TMEM39B: variants seen among roughly 807,000 people sequenced by gnomAD.
TMEM39B encodes transmembrane protein 39B.
Under a neutral mutation model 52.2 loss-of-function variants are expected in TMEM39B, and 23 were observed. That is an observed-to-expected ratio of 0.44 (90% CI 0.32 to 0.62). TMEM39B has a LOEUF of 0.62. TMEM39B is among the 20% of genes least tolerant of loss of function. The pLI is 0.06. For missense variants in TMEM39B, 547 were observed against 642.0 expected (o/e 0.85, Z 1.60); for synonymous variants, 285 against 264.0 (o/e 1.08, Z -0.77).
chr1:32,087,925 G>C (rs998273142), intron 5 of TMEM39B: 1 of 151,080 alleles, frequency 6.6e-6, no homozygotes, highest in East Asian at 2.0e-4. Flanking sequence ...TGGGATTACA[G>C]GCATGAGCCA....
At chr1:32,075,121 G>A (rs1241569403) in intron 2 of TMEM39B, 44 bp downstream of exon 2, 2 of 1,525,826 alleles carry the variant, frequency 1.3e-6, no homozygotes, top group South Asian at 2.5e-5. Context: ...GCCTCACAGG[G>A]ACGATGTGGA....
At chr1:32,077,023 G>T in intron 4 of TMEM39B, 141 bp from the exon 5 acceptor site, 1 of 1,328,584 alleles carries the variant, frequency 7.5e-7, no homozygotes, top group Non-Finnish European at 1.1e-6. Context: ...CAAAGAGAAG[G>T]ATTTACCTTG....
intron 5 of TMEM39B, among the ~76,000 whole-genome samples, chr1:32,083,658 G>A (rs561199712): frequency 3.8e-4 from 57 of 151,478 alleles, no homozygotes; most frequent in Admixed American, 2.6e-3. Context: ...TCCTGACCTC[G>A]TGATCCGTCC....
intron 5 of TMEM39B, 111 bp from the exon 6 acceptor site, chr1:32,091,563 TG>T: frequency 7.9e-7 from 1 of 1,258,680 alleles, no homozygotes; most frequent in Non-Finnish European, 1.1e-6. Context: ...TTCTCCCCTC[TG>T]GGCAGCCAGG....
At chr1:32,085,039 G>GT (rs1262008114) in intron 5 of TMEM39B, among the ~76,000 whole-genome samples, 1 of 152,086 alleles carries the variant, frequency 6.6e-6, no homozygotes, top group Non-Finnish European at 1.5e-5. Flanking sequence ...GGAATATTCT[G>GT]TTTATCTTTT....
At chr1:32,073,957 C>T (rs942226541) in intron 1 of TMEM39B, 1 of 930,236 alleles carries the variant, frequency 1.1e-6, no homozygotes, top group Non-Finnish European at 1.3e-6. Flanking sequence ...CCATGTTGCC[C>T]AGGCTGGTCT....
chr1:32,091,547 G>A, intron 5 of TMEM39B, 128 bp from the exon 6 acceptor site: 1 of 1,035,354 alleles, frequency 9.7e-7, no homozygotes, highest in Non-Finnish European at 1.4e-6. Context: ...TGGAAGGACT[G>A]GTAAATTCTC....
At chr1:32,077,121 C>T (rs199702572) in intron 4 of TMEM39B, 43 bp from the exon 5 acceptor site, 15 of 1,608,876 alleles carry the variant, frequency 9.3e-6, no homozygotes, top group African/African-American at 1.3e-5. Context: ...CCCCTTCGGC[C>T]TCCATCCAAG....
At chr1:32,096,451 CTTTTTTTTT>C in intron 7 of TMEM39B, among the ~76,000 whole-genome samples, 1 of 105,024 alleles carries the variant, frequency 9.5e-6, no homozygotes, top group East Asian at 3.1e-4. Context: ...CTCCTCTGGC[CTTTTTTTTT>C]TTTTTTTTTT....
intron 5 of TMEM39B, among the ~76,000 whole-genome samples, chr1:32,081,785 T>C (rs1640109596): frequency 6.6e-6 from 1 of 152,044 alleles, no homozygotes; most frequent in Non-Finnish European, 1.5e-5. Context: ...TAGAATTGAA[T>C]AAGAGGTTTA....
intron 6 of TMEM39B, 36 bp from the exon 7 acceptor site, chr1:32,094,748 G>C (rs781570465): frequency 6.2e-7 from 1 of 1,609,106 alleles, no homozygotes; most frequent in South Asian, 1.1e-5. Context: ...GCCATTATGG[G>C]GATCCCAGGC....
chr1:32,082,234 T>C (rs572954704), intron 5 of TMEM39B, among the ~76,000 whole-genome samples: 15 of 152,130 alleles, frequency 9.9e-5, no homozygotes, highest in Admixed American at 9.8e-4. Context: ...ATTTTTACTT[T>C]TATATCGTCA....
At chr1:32,083,025 C>A (rs1324439939) in intron 5 of TMEM39B, among the ~76,000 whole-genome samples, 1 of 147,542 alleles carries the variant, frequency 6.8e-6, no homozygotes, top group Non-Finnish European at 1.5e-5. Context: ...CCACCCGCCT[C>A]AGCCTCCCAA....
intron 7 of TMEM39B, among the ~76,000 whole-genome samples, chr1:32,099,251 A>G (rs1223135247): frequency 1.3e-5 from 2 of 150,162 alleles, no homozygotes; most frequent in Admixed American, 6.7e-5. Flanking sequence ...AAAAACACTC[A>G]TAGGTTGGAA....
At position 32,091,594 on chromosome 1, in the gene TMEM39B, GAAAGAAGATCCC is replaced by G. The variant is rs541525381; in HGVS notation, c.591-80_591-69del. On this transcript the variant is annotated intron_variant, in intron 5 of 8. Transcript: ENST00000336294. ...GCCAGGAGAGCTGAGGCCCAGGAAG[GAAAGAAGATCCC>G]CTCAGTGGCTGAGAGTTGGGATCCT... 4,492 of 1,477,118 alleles carry G rather than the reference GAAAGAAGATCCC, an allele frequency of 3.0e-3. 10 individuals carry two copies. The highest frequency in any genetic ancestry group is 3.8e-3 in the Non-Finnish European group (4,136 of 1,100,392). 91.5% of individuals were successfully genotyped at this position (1,477,118 alleles called of 1,614,324 possible). A position where few individuals can be genotyped will look rare whatever the true frequency, so the allele number is the denominator to read the frequency against.
intron 1 of TMEM39B, chr1:32,073,270 G>A (rs558552190): frequency 1.4e-5 from 8 of 572,994 alleles, no homozygotes; most frequent in African/African-American, 2.0e-5. Flanking sequence ...CTAAGACGAA[G>A]CCCTGTGGGG....
intron 5 of TMEM39B, among the ~76,000 whole-genome samples, chr1:32,086,128 A>T (rs778113563): frequency 5.9e-5 from 9 of 152,150 alleles, no homozygotes; most frequent in Middle Eastern, 3.2e-3. Flanking sequence ...TTTCTTTAGA[A>T]AAGAATCCTT....
intron 5 of TMEM39B, among the ~76,000 whole-genome samples, chr1:32,080,674 CAAA>C (rs947127249): frequency 9.7e-5 from 5 of 51,666 alleles, no homozygotes; most frequent in Admixed American, 2.0e-4. Context: ...GACTCTGTCT[CAAA>C]AAAAAAAAAA....
upstream of TMEM39B, chr1:32,072,884 C>T (rs1639693303): frequency 1.1e-6 from 1 of 941,608 alleles, no homozygotes; most frequent in Non-Finnish European, 1.5e-6. Context: ...AAGCGCGCGC[C>T]AGCTTCCAGC....
Sources: gnomAD v4.1 joint callset for allele counts (sites outside exome capture counted in the v4.1 genomes callset) on GRCh38, gnomAD v4.1.1 for gene constraint, MANE v1.5 for transcripts, NCBI Gene and HGNC (gene_info 2026-07-23, HGNC 2026-07-21) for gene names.